TTLL11: variants seen among roughly 807,000 people sequenced by gnomAD.
TTLL11 encodes the protein tubulin polyglutamylase TTLL11.
A neutral mutation model predicts 51.7 loss-of-function variants in TTLL11; 42 were observed. The observed-to-expected ratio is 0.81, with a 90% CI of 0.64 to 1.05. The LOEUF (loss-of-function observed/expected upper bound fraction) is 1.05, where lower values mean the gene tolerates loss of function less well. TTLL11 is among the 50% of genes least tolerant of loss of function. The pLI, the probability that TTLL11 is intolerant of heterozygous loss-of-function variation, is 0.00. For missense variants in TTLL11, 799 were observed against 940.4 expected, an observed-to-expected ratio of 0.85 and a Z score of 1.97; for synonymous variants, 381 against 383.5, an observed-to-expected ratio of 0.99 and a Z score of 0.08.
At chr9:121,863,018 C>T (rs999844762) in intron 7 of TTLL11, among the ~76,000 whole-genome samples, 3 of 152,194 alleles carry the variant, frequency 2.0e-5, no homozygotes, top group African/African-American at 4.8e-5. Flanking sequence ...TGTATGCCAG[C>T]ACACTTTCTT....
intron 3 of TTLL11, among the ~76,000 whole-genome samples, chr9:122,022,967 T>C (rs1844222007): frequency 6.6e-6 from 1 of 151,794 alleles, no homozygotes; most frequent in African/African-American, 2.4e-5. Flanking sequence ...AACTCAAAAA[T>C]GTATACCATA....
chr9:121,845,308 G>T (rs1226103822), intron 8 of TTLL11, among the ~76,000 whole-genome samples: 2 of 152,126 alleles, frequency 1.3e-5, no homozygotes, highest in Non-Finnish European at 2.9e-5. Flanking sequence ...TCTGTATGGA[G>T]TGAAATTATC....
chr9:121,995,282 C>T lies in TTLL11; in HGVS notation c.694-5512G>A, dbSNP rs1424939441. 6.6e-6 allele frequency among the ~76,000 whole-genome samples: 1 copy of T among 152,080 alleles called. No homozygotes were observed. ...CCTGTATTTATACTCGATCTGCAGG[C>T]GAAGGATGGAGTTTCAACTGGCGAG... On this transcript the variant is annotated intron_variant, in intron 3 of 8. Transcript: ENST00000321582. The surrounding 1 kb of genome is among the most constrained non-coding windows in gnomAD (Gnocchi z 4.4).
chr9:121,873,818 A>C (rs1200902784), intron 6 of TTLL11, among the ~76,000 whole-genome samples: 2 of 135,276 alleles, frequency 1.5e-5, no homozygotes, highest in Admixed American at 7.4e-5. Flanking sequence ...GGTGTGCACC[A>C]CCATTAGCCT....
intron 8 of TTLL11, among the ~76,000 whole-genome samples, chr9:121,839,429 C>G (rs12343438): frequency 0.059 from 9,031 of 152,192 alleles, 740 homozygotes; most frequent in African/African-American, 0.19. Context: ...GGGTGATCTT[C>G]GCTTACTCAC....
At chr9:121,983,472 G>C (rs529060517) in intron 4 of TTLL11, among the ~76,000 whole-genome samples, 15 of 152,328 alleles carry the variant, frequency 9.8e-5, no homozygotes, top group African/African-American at 3.6e-4. Context: ...GATCATTTAG[G>C]AGTGATTGTG....
intron 6 of TTLL11, among the ~76,000 whole-genome samples, chr9:121,947,770 G>A (rs1355703826): frequency 1.3e-5 from 2 of 152,130 alleles, no homozygotes; most frequent in African/African-American, 4.8e-5. Flanking sequence ...AATAACAAGA[G>A]AGACTAACAG....
In TTLL11 at chr9:121,826,491, ATATG is replaced by A. The variant is rs1342188805; in HGVS notation, c.1841-3616_1841-3613del. Among the ~76,000 whole-genome samples, 21 of 64,996 alleles carry A rather than the reference ATATG, an allele frequency of 3.2e-4. 1 individual carries two copies. Among genetic ancestry groups the A allele is most frequent in the East Asian group, 2.6e-3 (4 of 1,548 alleles). 42.6% of individuals were successfully genotyped at this position (64,996 alleles called of 152,430 possible). On this transcript the variant is annotated intron_variant, in intron 8 of 8. Coordinates refer to ENST00000321582, the MANE Select transcript of TTLL11 (RefSeq NM_001139442.2). ...TGTATATATATATATGTATATATAT[ATATG>A]TGTGTGTATATATATATATGTATAT...
chr9:122,045,211 A>G (rs1305414937), intron 1 of TTLL11, among the ~76,000 whole-genome samples: 1 of 151,950 alleles, frequency 6.6e-6, no homozygotes, highest in Non-Finnish European at 1.5e-5. Flanking sequence ...AAAAAAAATC[A>G]CTGGCTGATT....
At position 121,989,721 on chromosome 9, in the gene TTLL11, A is replaced by C. The variant is rs1245117129; in HGVS notation, c.743T>G (p.Val248Gly). 6.2e-7 allele frequency: 1 copy of C among 1,611,202 alleles called. No homozygotes were observed. Among genetic ancestry groups the C allele is most frequent in the Non-Finnish European group, 8.5e-7 (1 of 1,177,846 alleles). Residue 248 changes from valine to glycine, a missense_variant, in exon 4 of 9, where the codon GTG (valine) becomes GGG (glycine). Val to Gly is a moderately radical substitution (Grantham distance 109). This residue lies in a region of TTLL11 where 468 missense variants were observed against 612.8 expected (regional missense o/e 0.76). Transcript: ENST00000321582. This position sits in a 1 kb window ranked among gnomAD's most constrained non-coding sequence, Gnocchi z 4.2. ...ACCCTGACAACCACCATCAGGTTTC[A>C]CGATAAAAGTGGGCTTCCAGGAGGG... ...DDPSWKPTFI[V>G]KPDGGCQGDG...
At chr9:121,953,648 A>T (rs1323875429) in intron 6 of TTLL11, among the ~76,000 whole-genome samples, 1 of 89,742 alleles carries the variant, frequency 1.1e-5, no homozygotes, top group East Asian at 2.2e-4. Flanking sequence ...AAAAAAAAAA[A>T]AAAAAAGAAG....
Position 121,914,076 on chromosome 9 carries a change from C to T in TTLL11, c.1482-43328G>A, listed in dbSNP as rs534051327. 7.2e-5 allele frequency among the ~76,000 whole-genome samples: 11 copies of T among 152,308 alleles called. No homozygotes were observed. The South Asian group carries it at 2.1e-3, about 29-fold the overall frequency. On this transcript the variant is annotated intron_variant, in intron 6 of 8. Coordinates refer to ENST00000321582, the MANE Select transcript of TTLL11 (RefSeq NM_001139442.2). Reference sequence around the variant, plus strand: ...AACTTGCTTATCAGGTGACACAGCTCGGAAGCTAGGATTTGATCCTAAGAC... The same window carrying T: ...AACTTGCTTATCAGGTGACACAGCTTGGAAGCTAGGATTTGATCCTAAGAC...
intron 6 of TTLL11, among the ~76,000 whole-genome samples, chr9:121,931,935 A>C (rs1841000785): frequency 6.6e-6 from 1 of 152,150 alleles, no homozygotes; most frequent in Admixed American, 6.5e-5. Context: ...TGCAGTGCTT[A>C]GCGTTGGACC....
chr9:122,091,091 G>C (rs1456250440), intron 1 of TTLL11, among the ~76,000 whole-genome samples: 1 of 152,128 alleles, frequency 6.6e-6, no homozygotes, highest in Non-Finnish European at 1.5e-5. Flanking sequence ...ATGAGTGAAC[G>C]AACCTGGGCT....
intron 3 of TTLL11, among the ~76,000 whole-genome samples, chr9:122,002,642 C>T (rs1482818879): frequency 6.6e-6 from 1 of 152,182 alleles, no homozygotes; most frequent in East Asian, 1.9e-4. Flanking sequence ...TCCCTGGAGG[C>T]TCAGCTTTAA....
At chr9:121,848,211 GA>G (rs765852047) in intron 8 of TTLL11, among the ~76,000 whole-genome samples, 1 of 143,574 alleles carries the variant, frequency 7.0e-6, no homozygotes, top group African/African-American at 2.6e-5. Flanking sequence ...TATCGCTAAG[GA>G]AAAAAAAAGA....
chr9:121,912,750 G>T (rs112549075), intron 6 of TTLL11, among the ~76,000 whole-genome samples: 1 of 151,464 alleles, frequency 6.6e-6, no homozygotes, highest in South Asian at 2.1e-4. Flanking sequence ...ATGATATCAA[G>T]AATTTAGTAA....
chr9:121,905,089 T>C (rs568353035), intron 6 of TTLL11, among the ~76,000 whole-genome samples: 1 of 152,350 alleles, frequency 6.6e-6, no homozygotes, highest in South Asian at 2.1e-4. Flanking sequence ...TGCTCACTAG[T>C]GGTGATCCAA....
chr9:121,936,270 T>C (rs1234226379), intron 6 of TTLL11, among the ~76,000 whole-genome samples: 4 of 151,894 alleles, frequency 2.6e-5, no homozygotes, highest in Non-Finnish European at 5.9e-5. Flanking sequence ...TCTTTCTTTT[T>C]TTTTTTTATT....
Sources: allele counts gnomAD v4.1 joint callset (sites outside exome capture counted in the v4.1 genomes callset), GRCh38; gene constraint gnomAD v4.1.1; regional missense constraint gnomAD v4.1.1; non-coding constraint Gnocchi (gnomAD v3.1); transcripts MANE v1.5; gene names NCBI Gene and HGNC (gene_info 2026-07-23, HGNC 2026-07-21).